The following CEP112 variants were observed in gnomAD, a reference collection of about 807,000 sequenced individuals.
CEP112 encodes the protein centrosomal protein of 112 kDa.
In CEP112, 127 loss-of-function variants were observed where a neutral mutation model predicts 153.0. That is an observed-to-expected ratio of 0.83 (90% confidence interval 0.72 to 0.96). The LOEUF is 0.96. Among genes scored for constraint, CEP112 ranks in the 40% least tolerant of loss-of-function variants. The probability of loss-of-function intolerance (pLI) is 0.00; values close to 1 mark genes in which losing one functional copy is unlikely to be tolerated. For synonymous variants in CEP112, 358 were observed against 374.4 expected, an observed-to-expected ratio of 0.96 and a Z score of 0.51; for missense variants, 1,089 against 1,101.2, an observed-to-expected ratio of 0.99 and a Z score of 0.16.
intron 21 of CEP112, among the ~76,000 whole-genome samples, chr17:65,798,668 T>G (rs1568030309): frequency 6.6e-6 from 1 of 152,208 alleles, no homozygotes; most frequent in Non-Finnish European, 1.5e-5. Context: ...AGCACTGATC[T>G]CCAGTACTAT....
chr17:66,061,731 T>G (rs1257828904), intron 11 of CEP112, among the ~76,000 whole-genome samples: 1 of 152,118 alleles, frequency 6.6e-6, no homozygotes, highest in African/African-American at 2.4e-5. Flanking sequence ...CGTGGAATTT[T>G]AAAAGTTGAG....
At chr17:66,181,045 T>C (rs1248376213) in intron 2 of CEP112, among the ~76,000 whole-genome samples, 1 of 152,192 alleles carries the variant, frequency 6.6e-6, no homozygotes, top group Non-Finnish European at 1.5e-5. Context: ...AAATAGTTTT[T>C]CAATCTACAT....
chr17:65,882,560 T>C (rs957662214), intron 20 of CEP112, among the ~76,000 whole-genome samples: 1 of 152,234 alleles, frequency 6.6e-6, no homozygotes, highest in African/African-American at 2.4e-5. Context: ...CATAGTTCAA[T>C]GTATTGATTT....
intron 17 of CEP112, among the ~76,000 whole-genome samples, chr17:66,004,473 A>G (rs1162534219): frequency 1.3e-5 from 2 of 152,184 alleles, no homozygotes; most frequent in African/African-American, 4.8e-5. Context: ...CCTGGGTGAC[A>G]GAGTGAGACC....
intron 24 of CEP112, among the ~76,000 whole-genome samples, chr17:65,649,073 AAC>A (rs71158400): frequency 0.028 from 3,898 of 139,682 alleles, 69 homozygotes; most frequent in South Asian, 0.038. Flanking sequence ...CAAACAAACA[AAC>A]ACACACACAC....
chr17:66,167,063 G>A (rs230566), intron 4 of CEP112, among the ~76,000 whole-genome samples: 1 of 152,240 alleles, frequency 6.6e-6, no homozygotes, highest in Non-Finnish European at 1.5e-5. Context: ...TTTTAAAATA[G>A]AATTACCATT....
chr17:65,894,686 A>G (rs1023954499), intron 20 of CEP112, among the ~76,000 whole-genome samples: 3 of 152,064 alleles, frequency 2.0e-5, no homozygotes, highest in African/African-American at 7.2e-5. Flanking sequence ...TTTTATCAAG[A>G]CTGGTAGGCC....
chr17:66,077,994 A>G (rs2067566543), intron 8 of CEP112, among the ~76,000 whole-genome samples: 1 of 152,170 alleles, frequency 6.6e-6, no homozygotes, highest in African/African-American at 2.4e-5. Flanking sequence ...TAGAATTTTT[A>G]TAGTTTCAGT....
chr17:66,178,626 C>G (rs1024920664), intron 2 of CEP112, among the ~76,000 whole-genome samples: 4 of 152,100 alleles, frequency 2.6e-5, no homozygotes, highest in Non-Finnish European at 4.4e-5. Context: ...CAAGAAATCT[C>G]TGCCCAGACC....
chr17:65,655,457 C>T, intron 24 of CEP112: 2 of 1,023,620 alleles, frequency 2.0e-6, no homozygotes, highest in Non-Finnish European at 3.1e-6. Context: ...TTGAATGGGC[C>T]ACAGTGTTTA....
At chr17:65,955,118 T>C (rs7219743) in intron 18 of CEP112, among the ~76,000 whole-genome samples, 72,985 of 151,946 alleles carry the variant, frequency 0.48, 18,520 homozygotes, top group East Asian at 0.89. Context: ...GAGCCAAAAG[T>C]ATCAGGTAGC....
At chr17:65,853,073 C>G (rs1262313345) in intron 20 of CEP112, among the ~76,000 whole-genome samples, 1 of 152,106 alleles carries the variant, frequency 6.6e-6, no homozygotes, top group Non-Finnish European at 1.5e-5. Context: ...ATATTAGTTT[C>G]CCAGGGTTGC....
intron 24 of CEP112, among the ~76,000 whole-genome samples, chr17:65,654,655 A>G (rs2045966319): frequency 1.3e-5 from 2 of 152,206 alleles, no homozygotes; most frequent in Admixed American, 6.5e-5. Context: ...CAAACCTAGC[A>G]CTTTAATTAG....
chr17:65,938,425 A>G (rs758129674), intron 18 of CEP112, among the ~76,000 whole-genome samples: 5,518 of 148,270 alleles, frequency 0.037, 189 homozygotes, highest in South Asian at 0.1. Flanking sequence ...AAAAAAAAAA[A>G]AAAAAAAGAA....
At chr17:65,929,264 C>A (rs137990047) in intron 18 of CEP112, among the ~76,000 whole-genome samples, 20 of 152,224 alleles carry the variant, frequency 1.3e-4, no homozygotes, top group African/African-American at 4.8e-4. Context: ...TCAAAGATTC[C>A]ACCACACCCA....
intron 4 of CEP112, among the ~76,000 whole-genome samples, chr17:66,141,075 TG>T (rs1485972614): frequency 6.6e-6 from 1 of 152,196 alleles, no homozygotes; most frequent in Non-Finnish European, 1.5e-5. Flanking sequence ...TTGGGGATTT[TG>T]AATCTATATT....
chr17:66,056,175 C>T (rs1232963113), intron 11 of CEP112, among the ~76,000 whole-genome samples: 1 of 152,142 alleles, frequency 6.6e-6, no homozygotes, highest in Non-Finnish European at 1.5e-5. Flanking sequence ...ACAGGAGACA[C>T]CAATGCCCTT....
chr17:65,655,019 G>A (rs372261120), intron 24 of CEP112: 2 of 685,972 alleles, frequency 2.9e-6, no homozygotes, highest in African/African-American at 3.6e-5. Flanking sequence ...TATCATAAAT[G>A]CTTCCTCGGA....
At chr17:65,956,624 G>C (rs1307487570) in intron 18 of CEP112, among the ~76,000 whole-genome samples, 2 of 151,498 alleles carry the variant, frequency 1.3e-5, no homozygotes, top group Non-Finnish European at 2.9e-5. Context: ...GACTCAGGGG[G>C]AAGACTTTGG....
Sources: allele counts gnomAD v4.1 joint callset (sites outside exome capture counted in the v4.1 genomes callset), GRCh38; gene constraint gnomAD v4.1.1; transcripts MANE v1.5; gene names NCBI Gene and HGNC (gene_info 2026-07-23, HGNC 2026-07-21).